Variants in RGPD3 observed in about 807,000 individuals in gnomAD.
The protein encoded by RGPD3 is RANBP2 like and GRIP domain containing 3, also known as ranBP2-like and GRIP domain-containing protein 3.
In RGPD3, 62 loss-of-function variants were observed where a neutral mutation model predicts 154.5. The ratio of observed to expected loss-of-function variants is 0.40; its 90% CI spans 0.33 to 0.50. The LOEUF (loss-of-function observed/expected upper bound fraction) is 0.50. Among genes scored for constraint, RGPD3 ranks in the 20% least tolerant of loss-of-function variants. RGPD3 has a pLI of 0.59. For synonymous variants in RGPD3, 308 were observed against 607.0 expected, an observed-to-expected ratio of 0.51 and a Z score of 7.24; for missense variants, 919 against 1,716.8, an observed-to-expected ratio of 0.54 and a Z score of 8.21.
intron 1 of RGPD3, among the ~76,000 whole-genome samples, chr2:106,463,745 A>G (rs1573304658): frequency 6.6e-6 from 1 of 152,110 alleles, no homozygotes; most frequent in East Asian, 1.9e-4. Context: ...CAATCAATCA[A>G]TGTTTTAAGC....
At chr2:106,413,699 G>A (rs1676740237) in intron 21 of RGPD3, among the ~76,000 whole-genome samples, 1 of 152,116 alleles carries the variant, frequency 6.6e-6, no homozygotes, top group Non-Finnish European at 1.5e-5. Context: ...ATTCTCACGA[G>A]AAACAGATGA....
intron 1 of RGPD3, among the ~76,000 whole-genome samples, chr2:106,464,350 A>G (rs1409036053): frequency 3.3e-5 from 5 of 151,788 alleles, no homozygotes; most frequent in Non-Finnish European, 5.9e-5. Context: ...CAAAAAAAAA[A>G]AAAAAAGAAA....
intron 15 of RGPD3, among the ~76,000 whole-genome samples, chr2:106,434,023 T>C (rs962561986): frequency 1.5e-5 from 2 of 131,674 alleles, no homozygotes; most frequent in African/African-American, 5.7e-5. Flanking sequence ...TAAGAGCATA[T>C]ACCTAGATTC....
Position 106,423,922 on chromosome 2 carries a change from T to C in RGPD3, c.4045A>G (p.Ser1349Gly), listed in dbSNP as rs760600121. 1 of 1,611,914 alleles carries C rather than the reference T, an allele frequency of 6.2e-7. No homozygotes were observed. Among genetic ancestry groups the C allele is most frequent in the Admixed American group, 1.7e-5 (1 of 59,994 alleles). The change falls in exon 20 of 23, where the codon AGT (serine) becomes GGT (glycine). Residue 1349 changes from serine to glycine, a missense_variant. By Grantham distance (56) the Ser-to-Gly change is moderately conservative (BLOSUM62 0). Coordinates refer to ENST00000409886, the MANE Select transcript of RGPD3 (RefSeq NM_001144013.2). The stretch of plus-strand genomic sequence containing the variant: ...ACAACTTGTTCATTTTCCTCACCAC[T>C]GGATACTTCAACTAGATCAGGTAAA... ...VPLPDLVEVS[S>G]GEENEQVVFS...
intron 9 of RGPD3, among the ~76,000 whole-genome samples, chr2:106,437,802 C>T (rs1198201052): frequency 1.3e-5 from 2 of 151,476 alleles, no homozygotes; most frequent in Admixed American, 6.6e-5. Context: ...GATTATATTG[C>T]CAATAAAAGT....
chr2:106,411,893 A>G (rs546284308), intron 22 of RGPD3, among the ~76,000 whole-genome samples: 11 of 152,236 alleles, frequency 7.2e-5, no homozygotes, highest in African/African-American at 2.6e-4. Flanking sequence ...TCTATTTAGG[A>G]TACTATAAAA....
rs1677149216 is a variant in RGPD3, at chr2:106,424,962, T to C, written c.3005A>G (p.Lys1002Arg). 6.2e-7 allele frequency: 1 copy of C among 1,611,896 alleles called. No homozygotes were observed. The highest frequency in any genetic ancestry group is 8.5e-7 in the Non-Finnish European group (1 of 1,179,838). The change falls in exon 20 of 23, where the codon AAA becomes AGA. Residue 1002 changes from lysine to arginine, a missense_variant. By Grantham distance (26) the Lys-to-Arg change is conservative. Transcript: ENST00000409886. ...TTTACCGTATTGTGATGAGAATAAT[T>C]TTTCTCCAGCACCTGAAAATCCCTT... is the stretch of plus-strand genomic sequence containing the variant. ...NFKGFSGAGE[K>R]LFSSQYGKMA...
intron 22 of RGPD3, among the ~76,000 whole-genome samples, chr2:106,410,164 C>T (rs369341612): frequency 1.1e-4 from 16 of 152,022 alleles, no homozygotes; most frequent in East Asian, 9.7e-4. Flanking sequence ...TGTGAGCCAC[C>T]GTGCCAGGCC....
chr2:106,448,147 G>A lies in RGPD3; in HGVS notation c.783-534C>T, dbSNP rs1349109034. On this transcript the variant is annotated intron_variant, in intron 6 of 22. Transcript: ENST00000409886. ...TTTTGAGACGGAGTCTCTCACTATC[G>A]CCTGGGCTGGAGTGCAATGGCACGA... Among the ~76,000 whole-genome samples the A allele has an allele frequency of 1.1e-4, 16 of 141,854 alleles. No homozygotes were observed. The South Asian group carries it at 2.0e-3, about 17-fold the overall frequency. 93.1% of individuals were successfully genotyped at this position (141,854 alleles called of 152,430 possible).
chr2:106,436,398 T>G lies in RGPD3; in HGVS notation c.1634+16A>C, dbSNP rs1222184234. The G allele has an allele frequency of 6.4e-7, 1 of 1,570,252 alleles. No homozygotes were observed. Among genetic ancestry groups the G allele is most frequent in the Non-Finnish European group, 8.7e-7 (1 of 1,151,778 alleles). On this transcript the variant is annotated intron_variant, in intron 11 of 22. Coordinates refer to ENST00000409886, the MANE Select transcript of RGPD3 (RefSeq NM_001144013.2). Reference sequence around the variant, plus strand: ...TACGCACTAAGTGAAAGCAATATTTTTGTTTTACTACTTACACTGCTTTTC... The same window carrying G: ...TACGCACTAAGTGAAAGCAATATTTGTGTTTTACTACTTACACTGCTTTTC...
chr2:106,441,929 C>T (rs1677757825), intron 7 of RGPD3, among the ~76,000 whole-genome samples: 1 of 139,562 alleles, frequency 7.2e-6, no homozygotes, highest in East Asian at 2.2e-4. Flanking sequence ...ACCTGTAATC[C>T]CAGCACTTTG....
rs911799299 is a variant in RGPD3 at position 106,468,401 on chromosome 2, G to T, written c.-113C>A. 1 of 1,532,516 alleles carries T rather than the reference G, an allele frequency of 6.5e-7. No homozygotes were observed. The highest frequency in any genetic ancestry group is 2.5e-5 in the East Asian group (1 of 39,962). The allele number at this position is 1,532,516 out of a possible 1,614,324, so 94.9% of individuals were successfully genotyped here. A position where few individuals can be genotyped will look rare whatever the true frequency, so the allele number is the denominator to read the frequency against. On this transcript the variant is annotated 5_prime_UTR_variant, in exon 1 of 23. Coordinates refer to ENST00000409886, the MANE Select transcript of RGPD3 (RefSeq NM_001144013.2). The stretch of plus-strand genomic sequence containing the variant: ...CCACTGAGGCAGCGGCGTAGCCGGC[G>T]GAGGACCACTGTGACGAACTTGTGT...
In RGPD3 at chr2:106,424,711, T is replaced by G; in HGVS notation, c.3256A>C (p.Lys1086Gln). The change falls in exon 20 of 23, where the codon AAA becomes CAA. Residue 1086 changes from lysine to glutamine, a missense_variant. Coordinates refer to ENST00000409886, the MANE Select transcript of RGPD3 (RefSeq NM_001144013.2). ...QWKERGLGNL[K>Q]ILKNEVNGKV... ...CCATTGACCTCGTTTTTGAGAATTT[T>G]TAAGTTCCCCAAGCCCCTTTCTTTC... is the stretch of plus-strand genomic sequence containing the variant. 1 of 1,611,992 alleles carries G rather than the reference T, an allele frequency of 6.2e-7. No homozygotes were observed. Among genetic ancestry groups the G allele is most frequent in the Non-Finnish European group, 8.5e-7 (1 of 1,179,850 alleles).
At chr2:106,435,964 A>G in intron 12 of RGPD3, among the ~76,000 whole-genome samples, 159 bp downstream of exon 12, 1 of 151,838 alleles carries the variant, frequency 6.6e-6, no homozygotes, top group Admixed American at 6.6e-5. Flanking sequence ...CTAAGTGCTT[A>G]TATTTAACTA....
At chr2:106,419,554 G>C (rs1159274678) in intron 20 of RGPD3, among the ~76,000 whole-genome samples, 3 of 152,020 alleles carry the variant, frequency 2.0e-5, no homozygotes, top group African/African-American at 7.2e-5. Context: ...GTGAATACCA[G>C]AATTAGGACA....
intron 6 of RGPD3, among the ~76,000 whole-genome samples, chr2:106,449,971 G>A (rs1338086564): frequency 6.7e-6 from 1 of 149,556 alleles, no homozygotes; most frequent in Admixed American, 6.7e-5. Flanking sequence ...GAGCCGAGAT[G>A]GCGCCACTGC....
chr2:106,470,163 GGTT>G (rs1476239265), upstream of RGPD3, among the ~76,000 whole-genome samples: 16 of 152,226 alleles, frequency 1.1e-4, no homozygotes, highest in African/African-American at 3.4e-4. Flanking sequence ...GCCCAAAAAA[GGTT>G]ATTATTGTTA....
At chr2:106,432,138 G>T (rs1462786585) in intron 17 of RGPD3, among the ~76,000 whole-genome samples, 2 of 148,856 alleles carry the variant, frequency 1.3e-5, no homozygotes, top group Non-Finnish European at 3.0e-5. Flanking sequence ...TGAGGAGAGA[G>T]ACACATAAAG....
intron 7 of RGPD3, 103 bp from the exon 8 acceptor site, chr2:106,441,483 C>G (rs1490228741): frequency 8.6e-5 from 74 of 861,346 alleles, no homozygotes; most frequent in Non-Finnish European, 1.2e-4. Context: ...AATGAATGAA[C>G]AGTTAACCAT....
Sources: allele counts gnomAD v4.1 joint callset (sites outside exome capture counted in the v4.1 genomes callset), GRCh38; gene constraint gnomAD v4.1.1; transcripts MANE v1.5; gene names NCBI Gene and HGNC (gene_info 2026-07-23, HGNC 2026-07-21).